The following HTT variants were observed in gnomAD, a reference collection of about 807,000 sequenced individuals.
HTT encodes huntingtin.
In HTT, 104 loss-of-function variants were observed where a neutral mutation model predicts 362.3. The ratio of observed to expected loss-of-function variants is 0.29; its 90% confidence interval spans 0.24 to 0.34. HTT has a LOEUF of 0.34. Among genes scored for constraint, HTT ranks in the 10% least tolerant of loss-of-function variants. The pLI is 1.00. For missense variants in HTT, 3,301 were observed against 3,928.6 expected, an observed-to-expected ratio of 0.84 and a Z score of 4.27; for synonymous variants, 1,577 against 1,548.7, an observed-to-expected ratio of 1.02 and a Z score of -0.43.
At chr4:3,238,380 C>T (rs879665662) in intron 64 of HTT, 67 bp from the exon 65 acceptor site, 3 of 1,275,784 alleles carry the variant, frequency 2.4e-6, no homozygotes, top group Non-Finnish European at 3.3e-6. Flanking sequence ...GAGCCAAGGC[C>T]CTCCGCGGGC....
intron 27 of HTT, among the ~76,000 whole-genome samples, chr4:3,155,341 C>T (rs1435888802): frequency 2.6e-5 from 4 of 151,668 alleles, no homozygotes; most frequent in Non-Finnish European, 4.4e-5. Flanking sequence ...CCTGCCTCAG[C>T]CTCCTGAGTA....
At chr4:3,117,343 TG>T (rs1220314156) in intron 8 of HTT, among the ~76,000 whole-genome samples, 1 of 152,032 alleles carries the variant, frequency 6.6e-6, no homozygotes, top group East Asian at 1.9e-4. Flanking sequence ...TACCTTGCCT[TG>T]TTTTTTTTTT....
Position 3,228,909 on chromosome 4 carries a change from C to T in HTT, c.8009C>T (p.Ser2670Phe). The T allele has an allele frequency of 3.7e-6, 6 of 1,613,846 alleles. No individual in the cohort carries two copies. Among genetic ancestry groups the T allele is most frequent in the Non-Finnish European group, 5.1e-6 (6 of 1,179,810 alleles). ...RKHRAGVDIH[S>F]CSQFLLELYS... is the part of the protein sequence containing the mutation. The stretch of plus-strand genomic sequence containing the variant: ...CACCGGGCTGGAGTTGACATCCACT[C>T]CTGTTCGCAGTTTTTGCTTGAGTTG... The change falls in exon 59 of 67, where the codon TCC (serine) becomes TTC (phenylalanine). Residue 2670 changes from serine to phenylalanine, a missense_variant. Coordinates refer to ENST00000355072, the MANE Select transcript of HTT (RefSeq NM_001388492.1). This position sits in a 1 kb window ranked among gnomAD's most constrained non-coding sequence, Gnocchi z 4.3.
At chr4:3,161,603 C>T (rs1000985937) in intron 29 of HTT, among the ~76,000 whole-genome samples, 7 of 152,122 alleles carry the variant, frequency 4.6e-5, no homozygotes, top group East Asian at 3.8e-4. Flanking sequence ...GACTTTTTAA[C>T]GATCGCCATC....
chr4:3,084,858 C>T (rs1424378983), intron 1 of HTT, among the ~76,000 whole-genome samples: 4 of 147,952 alleles, frequency 2.7e-5, no homozygotes, highest in Non-Finnish European at 6.0e-5. Context: ...CTAAAAAATA[C>T]AAAAAATTAG....
intron 26 of HTT, 27 bp from the exon 27 acceptor site, chr4:3,154,266 T>G: frequency 1.3e-6 from 2 of 1,520,398 alleles, no homozygotes; most frequent in Non-Finnish European, 1.8e-6. Flanking sequence ...TGTTTTTTTG[T>G]TTTTTGTTTT....
chr4:3,100,538 C>T (rs908178704), intron 3 of HTT, among the ~76,000 whole-genome samples: 11 of 152,172 alleles, frequency 7.2e-5, no homozygotes, highest in Non-Finnish European at 1.6e-4. Context: ...CTTCTCTCTC[C>T]GCTTGCAATT....
intron 41 of HTT, among the ~76,000 whole-genome samples, chr4:3,203,638 G>A (rs1719697346): frequency 6.6e-6 from 1 of 152,222 alleles, no homozygotes; most frequent in African/African-American, 2.4e-5. Context: ...CATTCTGGCA[G>A]TTGGCAACTT....
intron 53 of HTT, among the ~76,000 whole-genome samples, 188 bp from the exon 54 acceptor site, chr4:3,222,199 G>A (rs549390742): frequency 1.3e-5 from 2 of 152,306 alleles, no homozygotes; most frequent in Admixed American, 6.5e-5. Flanking sequence ...TCTATACTTC[G>A]GTTTCCTCAA....
In HTT at chr4:3,131,448, A is replaced by T. The variant is rs141170616; in HGVS notation, c.2098+51A>T. The T allele has an allele frequency of 1.7e-4, 252 of 1,521,744 alleles. No homozygotes were observed. In the African/African-American group the frequency reaches 3.2e-3, roughly 20 times the overall value. The allele number at this position is 1,521,744 out of a possible 1,614,324, so 94.3% of individuals were successfully genotyped here. ...GTTGAAGGAAATAACTAGGTTTCAG[A>T]GGTCAGCTTGGTGGCCTGTTTTTGC... is the stretch of plus-strand genomic sequence containing the variant. On this transcript the variant is annotated intron_variant, in intron 15 of 66. Transcript: ENST00000355072.
chr4:3,134,925 G>T lies in HTT; in HGVS notation c.2633+385G>T, dbSNP rs533276449. The stretch of plus-strand genomic sequence containing the variant: ...TTTTGTAGAAATGGGGTCTTGCTAT[G>T]TTGCCCAGGCTGGTCTCAAACTCCT... On this transcript the variant is annotated intron_variant, in intron 19 of 66. Transcript: ENST00000355072. Among the ~76,000 whole-genome samples the T allele has an allele frequency of 1.6e-3, 247 of 150,442 alleles. 3 individuals are homozygous for T. In the South Asian group the frequency reaches 0.05, roughly 30 times the overall value.
intron 29 of HTT, among the ~76,000 whole-genome samples, chr4:3,160,730 G>A (rs1322199208): frequency 6.6e-6 from 1 of 152,112 alleles, no homozygotes; most frequent in Non-Finnish European, 1.5e-5. Flanking sequence ...GACGGGTAAG[G>A]GGGCGGGGCG....
At chr4:3,155,372 C>T (rs898442785) in intron 27 of HTT, among the ~76,000 whole-genome samples, 2 of 150,980 alleles carry the variant, frequency 1.3e-5, no homozygotes, top group African/African-American at 4.9e-5. Flanking sequence ...CAGGTGTGCA[C>T]CACCACACCT....
chr4:3,116,380 C>G lies in HTT; in HGVS notation c.1068+117C>G. ...GTTAGAGGTGTGGACTCTGGAGCTG[C>G]GCTGCTCGTTTCCAACCCTAGGTGC... On this transcript the variant is annotated intron_variant, in intron 8 of 66. Coordinates refer to ENST00000355072, the MANE Select transcript of HTT (RefSeq NM_001388492.1). 4 of 853,910 alleles carry G rather than the reference C, an allele frequency of 4.7e-6. No homozygotes were observed. The South Asian group carries it at 6.6e-5, about 14-fold the overall frequency. The allele number at this position is 853,910 out of a possible 1,614,324, so 52.9% of individuals were successfully genotyped here. A position where few individuals can be genotyped will look rare whatever the true frequency, so the allele number is the denominator to read the frequency against.
At position 3,228,141 on chromosome 4, in the gene HTT, A is replaced by G. The variant is rs1401701828; in HGVS notation, c.7849-474A>G. Among the ~76,000 whole-genome samples the G allele has an allele frequency of 1.3e-5, 2 of 152,102 alleles. No individual in the cohort carries two copies. The highest frequency in any genetic ancestry group is 1.5e-5 in the Non-Finnish European group (1 of 68,024). ...GCTTCCCGAGAACCAGGCAGAAAGG[A>G]GGACAGTCGAGGTGTGCTGACTGCG... On this transcript the variant is annotated intron_variant, in intron 57 of 66. Coordinates refer to ENST00000355072, the MANE Select transcript of HTT (RefSeq NM_001388492.1). This position sits in a 1 kb window ranked among gnomAD's most constrained non-coding sequence, Gnocchi z 4.3.
chr4:3,156,785 G>A (rs556614932), intron 27 of HTT, among the ~76,000 whole-genome samples: 1 of 152,316 alleles, frequency 6.6e-6, no homozygotes, highest in South Asian at 2.1e-4. Flanking sequence ...CCTTGAATCA[G>A]CTGCTCCTAT....
intron 3 of HTT, among the ~76,000 whole-genome samples, chr4:3,100,477 C>T (rs1457275118): frequency 6.6e-6 from 1 of 152,202 alleles, no homozygotes; most frequent in African/African-American, 2.4e-5. Flanking sequence ...GCTGGCTTCT[C>T]TGGAGCCATG....
chr4:3,177,349 A>C lies in HTT; in HGVS notation c.4425A>C (p.Val1475=), dbSNP rs778540858. Residue 1475 remains valine, a synonymous_variant, in exon 34 of 67, where the codon GTA becomes GTC. Coordinates refer to ENST00000355072, the MANE Select transcript of HTT (RefSeq NM_001388492.1). The stretch of plus-strand genomic sequence containing the variant: ...TCCTGTAGGTGTTTATTGGCTTTGT[A>C]TTGAAACAGTTTGAATACATTGAAG... ...LDSDQVFIGF[V]LKQFEYIEVG... is the part of the protein sequence containing the mutation. The C allele has an allele frequency of 6.2e-7, 1 of 1,601,668 alleles. No homozygotes were observed. Among genetic ancestry groups the C allele is most frequent in the Non-Finnish European group, 8.5e-7 (1 of 1,174,980 alleles).
chr4:3,107,255 A>C, intron 5 of HTT, 30 bp from the exon 6 acceptor site: 1 of 1,605,412 alleles, frequency 6.2e-7, no homozygotes, highest in Admixed American at 1.7e-5. Flanking sequence ...GAGAGCTGGA[A>C]GAATGACTTG....
Sources: gnomAD v4.1 joint callset for allele counts (sites outside exome capture counted in the v4.1 genomes callset) on GRCh38, gnomAD v4.1.1 for gene constraint, Gnocchi (gnomAD v3.1) non-coding constraint, MANE v1.5 for transcripts, NCBI Gene and HGNC (gene_info 2026-07-23, HGNC 2026-07-21) for gene names.